Variants in TRAPPC12 observed in about 807,000 individuals in gnomAD.
TRAPPC12 encodes trafficking protein particle complex subunit 12.
TRAPPC12 carries 61 observed loss-of-function variants against 69.2 expected under a neutral mutation model. That is an observed-to-expected ratio of 0.88 (90% confidence interval 0.72 to 1.09). TRAPPC12 has a LOEUF of 1.09. TRAPPC12 is among the 50% of genes least tolerant of loss of function. The pLI is 0.00. For synonymous variants in TRAPPC12, 469 were observed against 438.9 expected (o/e 1.07, Z -0.86); for missense variants, 1,101 against 1,016.4 (o/e 1.08, Z -1.13).
chr2:3,389,237 C>CT (rs1660682217), intron 2 of TRAPPC12, among the ~76,000 whole-genome samples: 1 of 152,262 alleles, frequency 6.6e-6, no homozygotes, highest in African/African-American at 2.4e-5. Context: ...GGCGATGCCC[C>CT]TGCCCAGGCC....
At chr2:3,394,092 C>T (rs1660981408) in intron 2 of TRAPPC12, among the ~76,000 whole-genome samples, 1 of 152,198 alleles carries the variant, frequency 6.6e-6, no homozygotes, top group Non-Finnish European at 1.5e-5. Context: ...ACTCTACCTT[C>T]CTCAACCAAG....
At chr2:3,419,681 A>T (rs1036949975) in intron 3 of TRAPPC12, among the ~76,000 whole-genome samples, 4 of 152,098 alleles carry the variant, frequency 2.6e-5, no homozygotes, top group Non-Finnish European at 5.9e-5. Context: ...AGAGTTTAAG[A>T]AATCTCATTT....
chr2:3,440,493 A>G (rs761295395), intron 5 of TRAPPC12, among the ~76,000 whole-genome samples: 104 of 152,076 alleles, frequency 6.8e-4, no homozygotes, highest in Non-Finnish European at 3.2e-4. Context: ...ATTTATTGCT[A>G]GTATCTAGGA....
At chr2:3,448,050 A>C (rs1467920917) in intron 6 of TRAPPC12, among the ~76,000 whole-genome samples, 1 of 152,242 alleles carries the variant, frequency 6.6e-6, no homozygotes, top group African/African-American at 2.4e-5. Context: ...ACTGAGGTGC[A>C]GTCACGTGTT....
chr2:3,465,335 T>A (rs1356783049), intron 8 of TRAPPC12, among the ~76,000 whole-genome samples: 1 of 152,152 alleles, frequency 6.6e-6, no homozygotes, highest in African/African-American at 2.4e-5. Context: ...CAGGCCCAAC[T>A]AAACCGCGAC....
intron 3 of TRAPPC12, among the ~76,000 whole-genome samples, chr2:3,418,513 G>A (rs1214012299): frequency 1.3e-5 from 2 of 152,186 alleles, no homozygotes; most frequent in Non-Finnish European, 2.9e-5. Flanking sequence ...TTCTGTAAAA[G>A]ACCATAGAAT....
chr2:3,389,591 A>T (rs1177807988), intron 2 of TRAPPC12: 3 of 455,234 alleles, frequency 6.6e-6, no homozygotes, highest in African/African-American at 6.0e-5. Flanking sequence ...CTGCTGCCGG[A>T]CTAACGGGCA....
chr2:3,414,691 G>A lies in TRAPPC12; in HGVS notation c.1165-7190G>A, dbSNP rs750008042. On this transcript the variant is annotated intron_variant, in intron 3 of 11. Coordinates refer to ENST00000324266, the MANE Select transcript of TRAPPC12 (RefSeq NM_016030.6). This position sits in a 1 kb window ranked among gnomAD's most constrained non-coding sequence, Gnocchi z 4.9. The stretch of plus-strand genomic sequence containing the variant: ...CTGTCAAGCGTGTCCATGCCGTGCC[G>A]CTTGTGCCTCTGCCCCGCGAGGGAC... Among the ~76,000 whole-genome samples, 11 of 152,104 alleles carry A rather than the reference G, an allele frequency of 7.2e-5. No homozygotes were observed. Among genetic ancestry groups the A allele is most frequent in the South Asian group, 2.1e-4 (1 of 4,824 alleles).
rs1453823762 is a variant in TRAPPC12, at chr2:3,387,639, G to A, written c.16G>A (p.Gly6Ser). 1.3e-6 allele frequency: 2 copies of A among 1,543,028 alleles called. No individual in the cohort carries two copies. The highest frequency in any genetic ancestry group is 2.0e-5 in the Admixed American group (1 of 50,232). The change falls in exon 2 of 12, where the codon GGC becomes AGC. Residue 6 changes from glycine to serine, a missense_variant. By Grantham distance (56) the Gly-to-Ser change is moderately conservative. Transcript: ENST00000324266. ...TTTCAGGGTCATGGAGGACGCTGGC[G>A]GCGGCGAGGAGACCCCGGCCCCGGA... Reference protein sequence around the residue: MEDAGGGEETPAPEAP... With the variant: MEDAGSGEETPAPEAP...
chr2:3,449,196 C>T (rs1664717192), intron 6 of TRAPPC12: 2 of 152,288 alleles, frequency 1.3e-5, no homozygotes, highest in Admixed American at 1.3e-4. Flanking sequence ...GGCTGTCTCC[C>T]TCTGGGGTCG....
chr2:3,438,418 T>A (rs1663992007), intron 5 of TRAPPC12, among the ~76,000 whole-genome samples: 1 of 108,746 alleles, frequency 9.2e-6, no homozygotes, highest in South Asian at 3.3e-4. Context: ...CCATCACGCC[T>A]GGATTAATAC....
At chr2:3,476,501 G>A (rs992564631) in intron 9 of TRAPPC12, among the ~76,000 whole-genome samples, 4 of 152,186 alleles carry the variant, frequency 2.6e-5, no homozygotes, top group African/African-American at 7.2e-5. Flanking sequence ...ACTGGGAGGC[G>A]AGCCTGCCTG....
At chr2:3,412,084 T>C (rs1160218730) in intron 3 of TRAPPC12, among the ~76,000 whole-genome samples, 1 of 152,258 alleles carries the variant, frequency 6.6e-6, no homozygotes, top group African/African-American at 2.4e-5. Flanking sequence ...TACTGTCTTC[T>C]TGTAGTGCTA....
chr2:3,462,761 G>A, intron 8 of TRAPPC12: 1 of 378,624 alleles, frequency 2.6e-6, no homozygotes, highest in Non-Finnish European at 5.4e-6. Context: ...TGCACTGGCA[G>A]ACCATATGGA....
At chr2:3,453,226 A>G (rs1664943399) in intron 6 of TRAPPC12, among the ~76,000 whole-genome samples, 1 of 152,184 alleles carries the variant, frequency 6.6e-6, no homozygotes, top group African/African-American at 2.4e-5. Context: ...CATCTGTAAA[A>G]TACATCGTCC....
At position 3,414,876 on chromosome 2, in the gene TRAPPC12, C is replaced by T. The variant is rs1297220526; in HGVS notation, c.1165-7005C>T. Reference sequence around the variant, plus strand: ...TTCTTATGGACATCACGTACGTTGGCCCTTCATATCTACAGGTTCCGCATC... The same window carrying T: ...TTCTTATGGACATCACGTACGTTGGTCCTTCATATCTACAGGTTCCGCATC... On this transcript the variant is annotated intron_variant, in intron 3 of 11. Coordinates refer to ENST00000324266, the MANE Select transcript of TRAPPC12 (RefSeq NM_016030.6). This position sits in a 1 kb window ranked among gnomAD's most constrained non-coding sequence, Gnocchi z 4.9. Among the ~76,000 whole-genome samples the T allele has an allele frequency of 2.0e-5, 3 of 152,192 alleles. No individual in the cohort carries two copies.
At chr2:3,443,584 G>GACAT in intron 5 of TRAPPC12, 195 bp from the exon 6 acceptor site, 1 of 608,062 alleles carries the variant, frequency 1.6e-6, no homozygotes, top group Non-Finnish European at 3.0e-6. Context: ...TAATTGTCGA[G>GACAT]ACATACATAC....
At chr2:3,424,258 G>A (rs888953525) in intron 4 of TRAPPC12, among the ~76,000 whole-genome samples, 5 of 152,140 alleles carry the variant, frequency 3.3e-5, no homozygotes, top group Non-Finnish European at 7.4e-5. Context: ...TCGCTATGTT[G>A]CCCAGGCTGG....
intron 10 of TRAPPC12, among the ~76,000 whole-genome samples, chr2:3,478,328 A>G (rs975575973): frequency 1.3e-5 from 2 of 152,218 alleles, no homozygotes; most frequent in Non-Finnish European, 2.9e-5. Context: ...CTCTATCTCA[A>G]TTAACAAAAA....
Sources: gnomAD v4.1 joint callset for allele counts (sites outside exome capture counted in the v4.1 genomes callset) on GRCh38, gnomAD v4.1.1 for gene constraint, Gnocchi (gnomAD v3.1) non-coding constraint, MANE v1.5 for transcripts, NCBI Gene and HGNC (gene_info 2026-07-23, HGNC 2026-07-21) for gene names.